NOL4: variants seen among roughly 807,000 people sequenced by gnomAD.
The protein encoded by NOL4 is nucleolar protein 4.
In NOL4, 17 loss-of-function variants were observed where a neutral mutation model predicts 75.9. The ratio of observed to expected loss-of-function variants is 0.22; its 90% confidence interval spans 0.15 to 0.34. The LOEUF is 0.34. Ranked by LOEUF, NOL4 falls within the 10% of genes least tolerant of loss-of-function variation. The probability of loss-of-function intolerance (pLI) is 1.00; values close to 1 mark genes in which losing one functional copy is unlikely to be tolerated. For missense variants in NOL4, 614 were observed against 793.5 expected, an observed-to-expected ratio of 0.77 and a Z score of 2.72; for synonymous variants, 292 against 289.9, an observed-to-expected ratio of 1.01 and a Z score of -0.07.
intron 5 of NOL4, among the ~76,000 whole-genome samples, chr18:34,091,836 G>A (rs1254954181): frequency 2.0e-5 from 3 of 152,090 alleles, no homozygotes; most frequent in African/African-American, 7.2e-5. Context: ...TTAGGCCTAG[G>A]TTAGAATATC....
At chr18:33,990,225 A>C (rs916041453) in intron 6 of NOL4, among the ~76,000 whole-genome samples, 8 of 152,128 alleles carry the variant, frequency 5.3e-5, no homozygotes, top group Non-Finnish European at 5.9e-5. Context: ...AGAAAATAGA[A>C]GTGAGCTATT....
intron 9 of NOL4, among the ~76,000 whole-genome samples, chr18:33,921,819 A>G (rs2067057026): frequency 6.6e-6 from 1 of 152,134 alleles, no homozygotes; most frequent in South Asian, 2.1e-4. Context: ...CACTGTAGTG[A>G]ACACTGTTTT....
intron 1 of NOL4, among the ~76,000 whole-genome samples, chr18:34,168,707 G>A (rs2032701777): frequency 6.6e-6 from 1 of 151,670 alleles, no homozygotes; most frequent in Non-Finnish European, 1.5e-5. Context: ...CAATATGGTA[G>A]GAGTCAAAGG....
chr18:34,131,073 GACAC>G (rs35968611), intron 1 of NOL4, among the ~76,000 whole-genome samples: 1,475 of 145,412 alleles, frequency 0.01, 9 homozygotes, highest in African/African-American at 0.021. Flanking sequence ...CACATACACC[GACAC>G]ACACACACAC....
chr18:34,057,807 A>T (rs1440246739), intron 5 of NOL4, among the ~76,000 whole-genome samples: 1 of 152,200 alleles, frequency 6.6e-6, no homozygotes, highest in African/African-American at 2.4e-5. Context: ...AATACTGCTC[A>T]TAAAAATTAA....
chr18:33,958,831 T>C (rs2069868674), intron 6 of NOL4, among the ~76,000 whole-genome samples: 1 of 152,010 alleles, frequency 6.6e-6, no homozygotes, highest in Non-Finnish European at 1.5e-5. Context: ...GTACTAGTAT[T>C]ACACTTTATA....
At chr18:34,024,192 A>ATATATATATATCTATATATATATATATAT (rs1215950663) in intron 5 of NOL4, among the ~76,000 whole-genome samples, 1 of 76,180 alleles carries the variant, frequency 1.3e-5, no homozygotes, top group African/African-American at 4.9e-5. Flanking sequence ...AAAAAAAAAA[A>ATATATATATATCTATATATATATATATAT]AAATATATAT....
At chr18:33,858,127 A>G (rs1376359725) in intron 10 of NOL4, among the ~76,000 whole-genome samples, 4 of 152,056 alleles carry the variant, frequency 2.6e-5, no homozygotes, top group East Asian at 1.9e-4. Context: ...CAATATTTCA[A>G]TTTCCTCAAG....
chr18:34,015,653 A>G (rs1447139678), intron 6 of NOL4, among the ~76,000 whole-genome samples: 1 of 152,048 alleles, frequency 6.6e-6, no homozygotes, highest in Non-Finnish European at 1.5e-5. Flanking sequence ...AGCTTCAAGC[A>G]GCACTTTTGC....
chr18:34,137,027 T>A (rs1359214050), intron 1 of NOL4, among the ~76,000 whole-genome samples: 2 of 152,100 alleles, frequency 1.3e-5, no homozygotes, highest in African/African-American at 4.8e-5. Flanking sequence ...CAGTTCATCT[T>A]CAAAAGACAT....
At chr18:34,155,638 GGGTATTTATATATTTAAATATAGAAAA>G (rs1450602339) in intron 1 of NOL4, among the ~76,000 whole-genome samples, 2 of 151,820 alleles carry the variant, frequency 1.3e-5, no homozygotes, top group Non-Finnish European at 2.9e-5. Flanking sequence ...TTAATACAGT[GGGTATTTATATATTTAAATATAGAAAA>G]GGTATGTAAA....
At chr18:34,024,194 A>AATATATATATAT (rs1555696185) in intron 5 of NOL4, among the ~76,000 whole-genome samples, 2 of 70,686 alleles carry the variant, frequency 2.8e-5, no homozygotes, top group Non-Finnish European at 6.3e-5. Flanking sequence ...AAAAAAAAAA[A>AATATATATATAT]ATATATATAT....
intron 9 of NOL4, among the ~76,000 whole-genome samples, chr18:33,912,963 A>C (rs1451342556): frequency 2.6e-5 from 4 of 152,082 alleles, no homozygotes; most frequent in African/African-American, 9.7e-5. Flanking sequence ...TGTCTTGATC[A>C]GTATATGTGT....
At chr18:34,190,089 C>CAT (rs2146395335) in intron 1 of NOL4, among the ~76,000 whole-genome samples, 1 of 151,134 alleles carries the variant, frequency 6.6e-6, no homozygotes, top group African/African-American at 2.4e-5. Flanking sequence ...CACACACACG[C>CAT]ATATATATGT....
chr18:34,192,041 T>C (rs2034957042), intron 1 of NOL4, among the ~76,000 whole-genome samples: 1 of 152,200 alleles, frequency 6.6e-6, no homozygotes, highest in Admixed American at 6.5e-5. Context: ...CTATCAGATG[T>C]ACATCTCTCC....
At chr18:33,875,323 GAATA>G (rs1205113108) in intron 10 of NOL4, among the ~76,000 whole-genome samples, 1 of 151,930 alleles carries the variant, frequency 6.6e-6, no homozygotes, top group Non-Finnish European at 1.5e-5. Flanking sequence ...TGGATAATTT[GAATA>G]AATTCTTTAT....
chr18:33,881,578 T>A (rs2064275581), intron 10 of NOL4, among the ~76,000 whole-genome samples: 7 of 151,324 alleles, frequency 4.6e-5, no homozygotes, highest in Admixed American at 4.6e-4. Flanking sequence ...TGGAAGAACA[T>A]TCCATGCTCA....
chr18:34,187,638 C>A (rs565736262), intron 1 of NOL4, among the ~76,000 whole-genome samples: 1 of 152,094 alleles, frequency 6.6e-6, no homozygotes, highest in Non-Finnish European at 1.5e-5. Flanking sequence ...ACGCCCGCCT[C>A]GGACTCCCAA....
At chr18:33,993,488 G>C (rs1205771269) in intron 6 of NOL4, among the ~76,000 whole-genome samples, 5 of 151,852 alleles carry the variant, frequency 3.3e-5, no homozygotes, top group Non-Finnish European at 7.4e-5. Context: ...CCCTGTGTTG[G>C]GGGTTAGGAG....
Sources: allele counts gnomAD v4.1 joint callset (sites outside exome capture counted in the v4.1 genomes callset), GRCh38; gene constraint gnomAD v4.1.1; transcripts MANE v1.5; gene names NCBI Gene and HGNC (gene_info 2026-07-23, HGNC 2026-07-21).